SH3D19: variants seen among roughly 807,000 people sequenced by gnomAD.
SH3D19 encodes SH3 domain containing 19, also known as SH3 domain-containing protein 19.
In SH3D19, 58 loss-of-function variants were observed where a neutral mutation model predicts 112.1. The ratio of observed to expected loss-of-function variants is 0.52; its 90% CI spans 0.42 to 0.64. SH3D19 has a LOEUF of 0.64. Among genes scored for constraint, SH3D19 ranks in the 30% least tolerant of loss-of-function variants. The pLI, the probability that SH3D19 is intolerant of heterozygous loss-of-function variation, is 0.00. For missense variants in SH3D19, 1,090 were observed against 1,263.4 expected, an observed-to-expected ratio of 0.86 and a Z score of 2.08; for synonymous variants, 391 against 448.5, an observed-to-expected ratio of 0.87 and a Z score of 1.62.
chr4:151,293,314 C>CA (rs796490021), intron 1 of SH3D19, among the ~76,000 whole-genome samples: 74 of 145,196 alleles, frequency 5.1e-4, no homozygotes, highest in Non-Finnish European at 7.3e-4. Flanking sequence ...ACTAAAAATA[C>CA]AAAAAAAAAT....
intron 8 of SH3D19, among the ~76,000 whole-genome samples, chr4:151,161,634 A>T (rs71635790): frequency 0.34 from 48,240 of 141,890 alleles, 8,425 homozygotes; most frequent in Middle Eastern, 0.41. Flanking sequence ...ATATATATAT[A>T]TATATATTTT....
At chr4:151,214,886 C>G (rs1331641183) in intron 2 of SH3D19, among the ~76,000 whole-genome samples, 1 of 146,642 alleles carries the variant, frequency 6.8e-6, no homozygotes. Flanking sequence ...GGGTGGCTGC[C>G]GGGCGGAGGG....
At chr4:151,127,586 T>C in intron 19 of SH3D19, 32 bp downstream of exon 19, 1 of 1,298,326 alleles carries the variant, frequency 7.7e-7, no homozygotes. Flanking sequence ...TTATAGTGCT[T>C]AATGCAGTTA....
chr4:151,253,865 C>T (rs917900965), intron 1 of SH3D19, among the ~76,000 whole-genome samples: 2 of 152,218 alleles, frequency 1.3e-5, no homozygotes, highest in African/African-American at 4.8e-5. Flanking sequence ...TTTCATACCT[C>T]TATTCTAGAA....
At position 151,175,546 on chromosome 4, in the gene SH3D19, C is replaced by A; in HGVS notation, c.658G>T (p.Ala220Ser). ...GGTTTTGGCACTGGACATCTTGTAG[C>A]ACTGGGGTTTTCTGGACAATTCGGT... ...EEPNCPENPS[A>S]TRCPVPKPRS... The change falls in exon 7 of 20, where the codon GCT becomes TCT. Residue 220 changes from alanine to serine, a missense_variant. Transcript: ENST00000604030. 1 of 1,385,528 alleles carries A rather than the reference C, an allele frequency of 7.2e-7. No individual in the cohort carries two copies. The highest frequency in any genetic ancestry group is 1.9e-5 in the South Asian group (1 of 53,744). 85.8% of individuals were successfully genotyped at this position (1,385,528 alleles called of 1,614,324 possible).
chr4:151,212,573 C>T (rs1464872629), intron 2 of SH3D19, among the ~76,000 whole-genome samples: 1 of 152,192 alleles, frequency 6.6e-6, no homozygotes. Context: ...ATTTTAAGCC[C>T]ACTCTTGAGA....
chr4:151,286,184 G>GAAAAAAAAAAAAAA (rs56850648), intron 1 of SH3D19, among the ~76,000 whole-genome samples: 6 of 86,628 alleles, frequency 6.9e-5, no homozygotes, highest in Non-Finnish European at 1.0e-4. Context: ...CTGTCTTAAA[G>GAAAAAAAAAAAAAA]AAAAAAAAAA....
At chr4:151,242,967 G>C (rs1770673419) in intron 1 of SH3D19, among the ~76,000 whole-genome samples, 2 of 152,162 alleles carry the variant, frequency 1.3e-5, no homozygotes, top group African/African-American at 2.4e-5. Flanking sequence ...TGAATCAAGA[G>C]GGAAAAGAGA....
At chr4:151,302,907 T>C (rs1366556116) in intron 1 of SH3D19, among the ~76,000 whole-genome samples, 3 of 152,044 alleles carry the variant, frequency 2.0e-5, no homozygotes, top group Non-Finnish European at 4.4e-5. Context: ...TTAGGAGATA[T>C]ACCTAATGTA....
At chr4:151,244,861 T>G (rs1310905111) in intron 1 of SH3D19, among the ~76,000 whole-genome samples, 1 of 152,034 alleles carries the variant, frequency 6.6e-6, no homozygotes, top group Non-Finnish European at 1.5e-5. Flanking sequence ...TACATAAAAA[T>G]AATTGGGTGC....
intron 1 of SH3D19, among the ~76,000 whole-genome samples, chr4:151,256,522 G>A (rs924435604): frequency 2.0e-5 from 3 of 152,064 alleles, no homozygotes; most frequent in East Asian, 1.9e-4. Context: ...GATGGTGTTC[G>A]CATTCATTGA....
rs1774017626 is a variant in SH3D19 at position 151,279,837 on chromosome 4, C to T, written c.112+45404G>A. 4 of 1,613,086 alleles carry T rather than the reference C, an allele frequency of 2.5e-6. No individual in the cohort carries two copies. In the South Asian group the frequency reaches 3.3e-5, roughly 13 times the overall value. ...ATACTCCAGCCGCGTTGTAGGTGGC[C>T]AGGATGCTGCTGCAGGGCGCTGGCC... On this transcript the variant is annotated intron_variant, in intron 1 of 19. Coordinates refer to ENST00000604030, the MANE Select transcript of SH3D19 (RefSeq NM_001378122.1).
chr4:151,275,404 G>A (rs1773520569), intron 1 of SH3D19, among the ~76,000 whole-genome samples: 1 of 152,016 alleles, frequency 6.6e-6, no homozygotes, highest in Non-Finnish European at 1.5e-5. Flanking sequence ...ACATTTTTGA[G>A]GAGACATAAT....
intron 3 of SH3D19, among the ~76,000 whole-genome samples, chr4:151,186,764 A>C (rs1461500054): frequency 6.7e-6 from 1 of 149,136 alleles, no homozygotes; most frequent in Non-Finnish European, 1.5e-5. Flanking sequence ...AACCTGTTAG[A>C]TATCTCTAAC....
At chr4:151,212,703 G>A (rs953067573) in intron 2 of SH3D19, among the ~76,000 whole-genome samples, 6 of 152,202 alleles carry the variant, frequency 3.9e-5, no homozygotes, top group African/African-American at 1.4e-4. Context: ...CATGTCTGCT[G>A]ACACAACATC....
chr4:151,173,893 A>T (rs1049336843), intron 7 of SH3D19, among the ~76,000 whole-genome samples: 2 of 152,222 alleles, frequency 1.3e-5, no homozygotes, highest in African/African-American at 4.8e-5. Flanking sequence ...AAATCTTATC[A>T]ATGACAAGTA....
rs576241327 is a variant in SH3D19 at position 151,231,429 on chromosome 4, TACTG to T, written c.113-5347_113-5344del. ...GAAGGCAGTGCTCATTCTACAAAGT[TACTG>T]ACACCAACTAATATGAATCCACCTC... On this transcript the variant is annotated intron_variant, in intron 1 of 19. Coordinates refer to ENST00000604030, the MANE Select transcript of SH3D19 (RefSeq NM_001378122.1). Among the ~76,000 whole-genome samples the T allele has an allele frequency of 4.2e-3, 636 of 152,324 alleles. 5 individuals are homozygous for T. The highest frequency in any genetic ancestry group is 6.6e-3 in the Non-Finnish European group (452 of 68,016).
chr4:151,158,682 C>CAAAAAAAA (rs200621199), intron 9 of SH3D19, among the ~76,000 whole-genome samples: 1 of 85,162 alleles, frequency 1.2e-5, no homozygotes. Context: ...GTTGGAAGAC[C>CAAAAAAAA]AAAAAAAAAA....
intron 2 of SH3D19, among the ~76,000 whole-genome samples, chr4:151,197,262 G>A (rs1000865476): frequency 6.6e-6 from 1 of 152,006 alleles, no homozygotes; most frequent in African/African-American, 2.4e-5. Flanking sequence ...ATGCTATTCC[G>A]GGCATTGTGC....
Sources: allele counts gnomAD v4.1 joint callset (sites outside exome capture counted in the v4.1 genomes callset), GRCh38; gene constraint gnomAD v4.1.1; transcripts MANE v1.5; gene names NCBI Gene and HGNC (gene_info 2026-07-23, HGNC 2026-07-21).